LRP1B: variants seen among roughly 807,000 people sequenced by gnomAD.
The protein encoded by LRP1B is LDL receptor related protein 1B, also known as low-density lipoprotein receptor-related protein 1B.
In LRP1B, 217 loss-of-function variants were observed where a neutral mutation model predicts 556.6. The ratio of observed to expected loss-of-function variants is 0.39; its 90% CI spans 0.35 to 0.44. The LOEUF is 0.44. LRP1B is among the 20% of genes least tolerant of loss of function. The probability of loss-of-function intolerance (pLI) is 1.00; values close to 1 mark genes in which losing one functional copy is unlikely to be tolerated. For missense variants in LRP1B, 5,053 were observed against 5,620.8 expected (o/e 0.90, Z 3.23); for synonymous variants, 2,047 against 1,865.8 (o/e 1.10, Z -2.50).
rs756279222 is a variant in LRP1B at position 140,297,869 on chromosome 2, A to C, written c.12906T>G (p.Thr4302=). The C allele has an allele frequency of 6.2e-7, 1 of 1,614,066 alleles. No homozygotes were observed. The highest frequency in any genetic ancestry group is 1.1e-5 in the South Asian group (1 of 91,068). The change falls in exon 84 of 91, where the codon ACT becomes ACG. Residue 4302 remains threonine, a synonymous_variant. Coordinates refer to ENST00000389484, the MANE Select transcript of LRP1B (RefSeq NM_018557.3). ...AGTGGCAGTAAGGCTGGTTTCCAGC[A>C]GTCACAATGCAGGTTCCTCCATTTT... ...FCQNGGTCIV[T]AGNQPYCHCQ... is the part of the protein sequence containing the mutation.
chr2:141,550,523 C>T (rs573976309), intron 2 of LRP1B, among the ~76,000 whole-genome samples: 9 of 152,180 alleles, frequency 5.9e-5, no homozygotes, highest in Admixed American at 2.6e-4. Flanking sequence ...AGTACTATAA[C>T]GTAAAGTAAA....
chr2:140,831,193 A>T (rs963666935), intron 31 of LRP1B, among the ~76,000 whole-genome samples: 2 of 152,112 alleles, frequency 1.3e-5, no homozygotes, highest in Non-Finnish European at 2.9e-5. Context: ...ACAGAGCCAC[A>T]AAAGACCCCA....
chr2:141,620,916 C>T (rs1368092580), intron 2 of LRP1B, among the ~76,000 whole-genome samples: 4 of 148,672 alleles, frequency 2.7e-5, no homozygotes, highest in Admixed American at 6.8e-5. Context: ...AATTTTCTTC[C>T]AAAAAGTCAT....
chr2:140,371,410 A>G, intron 69 of LRP1B, 125 bp from the exon 70 acceptor site: 1 of 410,824 alleles, frequency 2.4e-6, no homozygotes, highest in Non-Finnish European at 4.4e-6. Flanking sequence ...CTATATAACG[A>G]CATTTAATGA....
At chr2:140,521,516 A>G (rs1690172618) in intron 49 of LRP1B, among the ~76,000 whole-genome samples, 2 of 152,062 alleles carry the variant, frequency 1.3e-5, no homozygotes, top group Non-Finnish European at 2.9e-5. Flanking sequence ...CCACCAGATC[A>G]GTACTAGAAG....
At chr2:141,749,801 A>C (rs566315317) in intron 2 of LRP1B, among the ~76,000 whole-genome samples, 1 of 152,104 alleles carries the variant, frequency 6.6e-6, no homozygotes, top group Non-Finnish European at 1.5e-5. Context: ...CTAAATTATG[A>C]ACCTCCTGTG....
At chr2:140,699,533 T>G (rs1013516287) in intron 41 of LRP1B, among the ~76,000 whole-genome samples, 24 of 151,780 alleles carry the variant, frequency 1.6e-4, no homozygotes, top group South Asian at 1.0e-3. Context: ...AAAAATTGAT[T>G]TCCACATAGT....
intron 35 of LRP1B, among the ~76,000 whole-genome samples, chr2:140,721,633 C>T (rs1320271253): frequency 3.4e-5 from 5 of 147,910 alleles, no homozygotes; most frequent in African/African-American, 1.2e-4. Context: ...CTGCAAGCTC[C>T]GCCTCCCAGG....
intron 43 of LRP1B, among the ~76,000 whole-genome samples, chr2:140,562,582 A>AT (rs1187217011): frequency 1.3e-5 from 2 of 151,658 alleles, no homozygotes; most frequent in Non-Finnish European, 1.5e-5. Flanking sequence ...GCCATTTGAG[A>AT]TTTTTTTCTT....
rs1170251213 is a variant in LRP1B at position 141,285,455 on chromosome 2, C to CTT, written c.344-30816_344-30815dup. ...GAAAAGGTGAGAATAATTTTTTTTT[C>CTT]TTTTTTTTTTTTTTTTTTGAGATGG... On this transcript the variant is annotated intron_variant, in intron 3 of 90. Coordinates refer to ENST00000389484, the MANE Select transcript of LRP1B (RefSeq NM_018557.3). Among the ~76,000 whole-genome samples the CTT allele has an allele frequency of 2.4e-3, 265 of 110,602 alleles. 4 individuals are homozygous for CTT. The highest frequency in any genetic ancestry group is 8.9e-3 in the African/African-American group (233 of 26,276). The allele number at this position is 110,602 out of a possible 152,430, so 72.6% of individuals were successfully genotyped here.
intron 66 of LRP1B, among the ~76,000 whole-genome samples, chr2:140,434,153 T>C (rs1419544845): frequency 6.6e-6 from 1 of 152,100 alleles, no homozygotes; most frequent in Non-Finnish European, 1.5e-5. Context: ...CACTGCAACC[T>C]CCGCCTCCTG....
chr2:140,694,609 ACT>A (rs1397945917), intron 41 of LRP1B, among the ~76,000 whole-genome samples: 1 of 151,852 alleles, frequency 6.6e-6, no homozygotes, highest in Non-Finnish European at 1.5e-5. Context: ...TTTCTAGTAA[ACT>A]CTGTGTCATT....
chr2:141,841,640 T>C (rs1261705710), intron 1 of LRP1B, among the ~76,000 whole-genome samples: 6 of 152,204 alleles, frequency 3.9e-5, no homozygotes, highest in Admixed American at 3.9e-4. Flanking sequence ...CATTTTTACA[T>C]GGCACGAAGT....
intron 2 of LRP1B, among the ~76,000 whole-genome samples, chr2:141,508,649 GTT>G (rs34119540): frequency 0.95 from 144,053 of 151,296 alleles, 68,684 homozygotes; most frequent in Non-Finnish European, 0.98. Context: ...ACACATCTCT[GTT>G]TTTTTTTTTT....
intron 27 of LRP1B, among the ~76,000 whole-genome samples, chr2:140,853,869 G>A (rs763907037): frequency 2.6e-5 from 4 of 151,978 alleles, no homozygotes; most frequent in Admixed American, 6.6e-5. Flanking sequence ...GATTTTGTCT[G>A]TTATAATAAT....
chr2:140,749,396 TAAG>T (rs150105435), intron 35 of LRP1B, among the ~76,000 whole-genome samples: 6,716 of 152,222 alleles, frequency 0.044, 225 homozygotes, highest in South Asian at 0.095. Context: ...TACTCTTTTG[TAAG>T]AATATACCTT....
chr2:140,583,842 TA>T (rs879502930), intron 43 of LRP1B, among the ~76,000 whole-genome samples: 37 of 152,046 alleles, frequency 2.4e-4, no homozygotes, highest in Non-Finnish European at 5.1e-4. Context: ...CAAAGGACTA[TA>T]AAAAAATGAC....
chr2:141,926,287 G>A (rs1558966063), intron 1 of LRP1B, among the ~76,000 whole-genome samples: 1 of 152,126 alleles, frequency 6.6e-6, no homozygotes, highest in Non-Finnish European at 1.5e-5. Flanking sequence ...GAAGTTCCTA[G>A]TTATCTTACA....
intron 2 of LRP1B, among the ~76,000 whole-genome samples, chr2:141,562,088 T>A (rs1435860197): frequency 6.6e-6 from 1 of 151,800 alleles, no homozygotes; most frequent in African/African-American, 2.4e-5. Context: ...TGGAGAGATG[T>A]GTTATACACA....
Sources: allele counts gnomAD v4.1 joint callset (sites outside exome capture counted in the v4.1 genomes callset), GRCh38; gene constraint gnomAD v4.1.1; transcripts MANE v1.5; gene names NCBI Gene and HGNC (gene_info 2026-07-23, HGNC 2026-07-21).